The following TCEA1 variants were observed in gnomAD, a reference collection of about 807,000 sequenced individuals.
TCEA1 encodes the protein transcription elongation factor A protein 1.
Under a neutral mutation model 43.8 loss-of-function variants are expected in TCEA1, and 21 were observed. The ratio of observed to expected loss-of-function variants is 0.48; its 90% CI spans 0.34 to 0.69. The LOEUF is 0.69. Among genes scored for constraint, TCEA1 ranks in the 30% least tolerant of loss-of-function variants. The pLI, the probability that TCEA1 is intolerant of heterozygous loss-of-function variation, is 0.01. For synonymous variants in TCEA1, 104 were observed against 117.5 expected (o/e 0.88, Z 0.75); for missense variants, 250 against 365.1 (o/e 0.68, Z 2.57).
intron 2 of TCEA1, among the ~76,000 whole-genome samples, chr8:54,001,677 G>A (rs1396813506): frequency 1.3e-5 from 2 of 152,210 alleles, no homozygotes; most frequent in African/African-American, 2.4e-5. Context: ...GAGCAAAGGT[G>A]TAAGGAGATG....
chr8:53,968,001 T>G lies in TCEA1; in HGVS notation c.*103A>C. 1 of 1,118,784 alleles carries G rather than the reference T, an allele frequency of 8.9e-7. No homozygotes were observed. The highest frequency in any genetic ancestry group is 1.3e-6 in the Non-Finnish European group (1 of 787,494). 69.3% of individuals were successfully genotyped at this position (1,118,784 alleles called of 1,614,324 possible). A position where few individuals can be genotyped will look rare whatever the true frequency, so the allele number is the denominator to read the frequency against. ...AAAACAAAGTCTAACCCAAGTTGCTTTAAAAATTTGATTTGCAGGAAAACT... is the reference window on the plus strand; with the variant it reads ...AAAACAAAGTCTAACCCAAGTTGCTGTAAAAATTTGATTTGCAGGAAAACT... On this transcript the variant is annotated 3_prime_UTR_variant, in exon 10 of 10. Transcript: ENST00000521604.
intron 2 of TCEA1, chr8:54,002,886 C>T (rs999123447): frequency 2.2e-6 from 1 of 456,264 alleles, no homozygotes; most frequent in Non-Finnish European, 4.4e-6. Flanking sequence ...GAAAGAAAGA[C>T]ATTACCTTGG....
chr8:53,996,903 C>CT (rs754537318), intron 3 of TCEA1, among the ~76,000 whole-genome samples: 1,218 of 116,568 alleles, frequency 0.01, 30 homozygotes, highest in Middle Eastern at 0.013. Context: ...AGAAGGTTGT[C>CT]TTTTTTTTTT....
At chr8:53,968,603 G>A (rs926684521) in intron 9 of TCEA1, among the ~76,000 whole-genome samples, 1 of 151,968 alleles carries the variant, frequency 6.6e-6, no homozygotes, top group Non-Finnish European at 1.5e-5. Context: ...CAGCACTTTG[G>A]GAGGCCGAGA....
chr8:54,015,125 T>G (rs73590837), intron 1 of TCEA1, among the ~76,000 whole-genome samples: 5,762 of 152,254 alleles, frequency 0.038, 368 homozygotes, highest in African/African-American at 0.13. Context: ...TAATGTCTTC[T>G]TCATAGGCAT....
intron 4 of TCEA1, among the ~76,000 whole-genome samples, 169 bp from the exon 5 acceptor site, chr8:53,988,428 G>A (rs972995281): frequency 6.6e-6 from 1 of 152,094 alleles, no homozygotes; most frequent in East Asian, 1.9e-4. Context: ...TTAAAAAGAA[G>A]TTAAAAATTT....
chr8:53,970,291 T>A (rs570247153), intron 9 of TCEA1, 101 bp downstream of exon 9: 1 of 813,520 alleles, frequency 1.2e-6, no homozygotes, highest in Non-Finnish European at 2.2e-6. Flanking sequence ...AGTGTGAGCA[T>A]ATCTGTATAT....
chr8:53,972,917 G>A (rs1803207977), intron 8 of TCEA1: 1 of 674,238 alleles, frequency 1.5e-6, no homozygotes, highest in African/African-American at 1.8e-5. Flanking sequence ...TAGCCTCAGA[G>A]GTGTATTTAA....
Position 53,981,806 on chromosome 8 carries a change from G to A in TCEA1, c.678+2557C>T, listed in dbSNP as rs566542680. ...TTCACTCTGTCACCCACGCTGGAGC[G>A]CAGTGGTGCAATCTCAGCTTACTGA... On this transcript the variant is annotated intron_variant, in intron 7 of 9. Transcript: ENST00000521604. Among the ~76,000 whole-genome samples, 25 of 150,864 alleles carry A rather than the reference G, an allele frequency of 1.7e-4. No homozygotes were observed. In the South Asian group the frequency reaches 2.5e-3, roughly 15 times the overall value.
chr8:54,000,504 C>G (rs973252789), intron 2 of TCEA1, among the ~76,000 whole-genome samples: 4 of 152,164 alleles, frequency 2.6e-5, no homozygotes, highest in African/African-American at 9.7e-5. Flanking sequence ...TACCACCTAT[C>G]CAGGTTTAAA....
intron 2 of TCEA1, among the ~76,000 whole-genome samples, 195 bp from the exon 3 acceptor site, chr8:54,000,245 C>T (rs1484835376): frequency 6.6e-6 from 1 of 152,112 alleles, no homozygotes; most frequent in Non-Finnish European, 1.5e-5. Flanking sequence ...CATTAATGTT[C>T]TTATCATCAA....
In TCEA1 at chr8:54,006,898, C is replaced by T. The variant is rs534140254; in HGVS notation, c.126+3532G>A. On this transcript the variant is annotated intron_variant, in intron 2 of 9. Coordinates refer to ENST00000521604, the MANE Select transcript of TCEA1 (RefSeq NM_006756.4). ...TGTTGCCCAGGCTGGGGTGCAGTGGCGCAATCTTGACTCACTGCAACCTCC... is the reference window on the plus strand; with the variant it reads ...TGTTGCCCAGGCTGGGGTGCAGTGGTGCAATCTTGACTCACTGCAACCTCC... Among the ~76,000 whole-genome samples, 9 of 152,158 alleles carry T rather than the reference C, an allele frequency of 5.9e-5. No homozygotes were observed. In the South Asian group the frequency reaches 8.3e-4, roughly 14 times the overall value.
At chr8:53,983,124 G>A (rs1270117611) in intron 7 of TCEA1, among the ~76,000 whole-genome samples, 1 of 152,210 alleles carries the variant, frequency 6.6e-6, no homozygotes, top group East Asian at 1.9e-4. Context: ...AGTATGACTT[G>A]CTGAAGACTC....
intron 3 of TCEA1, 31 bp from the exon 4 acceptor site, chr8:53,993,786 G>C (rs1803961289): frequency 6.3e-7 from 1 of 1,580,960 alleles, no homozygotes; most frequent in Non-Finnish European, 8.6e-7. Flanking sequence ...TAAGTTGCTA[G>C]CATTTGTAAA....
chr8:53,982,615 A>G (rs926521080), intron 7 of TCEA1, among the ~76,000 whole-genome samples: 29 of 142,872 alleles, frequency 2.0e-4, no homozygotes, highest in African/African-American at 7.8e-4. Flanking sequence ...TTCCCCACCA[A>G]AAAAAAAAAA....
chr8:53,997,082 A>T (rs1390471097), intron 3 of TCEA1, among the ~76,000 whole-genome samples: 1 of 151,354 alleles, frequency 6.6e-6, no homozygotes, highest in African/African-American at 2.4e-5. Flanking sequence ...ATTTTTTTGT[A>T]TTTTTTTAGT....
intron 1 of TCEA1, among the ~76,000 whole-genome samples, chr8:54,020,139 C>T (rs1277777930): frequency 6.6e-6 from 1 of 152,126 alleles, no homozygotes. Context: ...ACATCTAATG[C>T]ATTAGATGAT....
chr8:53,985,268 C>T (rs895767100), intron 6 of TCEA1, among the ~76,000 whole-genome samples: 4 of 152,192 alleles, frequency 2.6e-5, no homozygotes, highest in African/African-American at 7.2e-5. Context: ...CCACCCGTCT[C>T]GGCCTCTCAA....
intron 2 of TCEA1, among the ~76,000 whole-genome samples, chr8:54,005,811 T>C (rs1804418785): frequency 6.6e-6 from 1 of 152,222 alleles, no homozygotes; most frequent in Non-Finnish European, 1.5e-5. Context: ...TGTGCAAATC[T>C]GGTCACATAC....
Sources: gnomAD v4.1 joint callset for allele counts (sites outside exome capture counted in the v4.1 genomes callset) on GRCh38, gnomAD v4.1.1 for gene constraint, MANE v1.5 for transcripts, NCBI Gene and HGNC (gene_info 2026-07-23, HGNC 2026-07-21) for gene names.